Variants in BRCA2 observed in about 807,000 individuals in gnomAD.
BRCA2 encodes BRCA2 DNA repair associated.
In BRCA2, 203 loss-of-function variants were observed where a neutral mutation model predicts 276.7. The observed-to-expected ratio is 0.73, with a 90% CI of 0.65 to 0.82. The LOEUF (loss-of-function observed/expected upper bound fraction) is 0.82, where lower values mean the gene tolerates loss of function less well. Ranked by LOEUF, BRCA2 falls within the 40% of genes least tolerant of loss-of-function variation. The pLI, the probability that BRCA2 is intolerant of heterozygous loss-of-function variation, is 0.00. For missense variants in BRCA2, 3,920 were observed against 3,915.0 expected, an observed-to-expected ratio of 1.00 and a Z score of -0.03; for synonymous variants, 1,289 against 1,338.4, an observed-to-expected ratio of 0.96 and a Z score of 0.81.
intron 3 of BRCA2, among the ~76,000 whole-genome samples, chr13:32,321,131 A>T (rs918374548): frequency 2.0e-5 from 3 of 152,202 alleles, no homozygotes. Flanking sequence ...AGTAGTCTAG[A>T]TATGGAGGAT....
intron 24 of BRCA2, among the ~76,000 whole-genome samples, chr13:32,389,133 G>T (rs1053741296): frequency 3.4e-4 from 51 of 152,134 alleles, no homozygotes; most frequent in Admixed American, 3.1e-3. Context: ...CAGTCTACTA[G>T]TATCAATATT....
chr13:32,384,747 G>C (rs1441426943), intron 24 of BRCA2: 1 of 254,376 alleles, frequency 3.9e-6, no homozygotes, highest in East Asian at 9.2e-5. Context: ...AATTAAAGAT[G>C]ATGAAATGCC....
chr13:32,357,660 G>A, intron 15 of BRCA2, 82 bp from the exon 16 acceptor site: 1 of 1,441,664 alleles, frequency 6.9e-7, no homozygotes, highest in Non-Finnish European at 9.5e-7. Flanking sequence ...ATTCAGTTTT[G>A]GTTTGTTATA....
intron 16 of BRCA2, among the ~76,000 whole-genome samples, chr13:32,359,285 C>T (rs924541099): frequency 2.7e-5 from 4 of 150,480 alleles, no homozygotes; most frequent in Admixed American, 6.6e-5. Context: ...ATTCCTCCCC[C>T]GACACACACT....
chr13:32,386,025 G>A (rs955547489), intron 24 of BRCA2: 2 of 188,020 alleles, frequency 1.1e-5, no homozygotes, highest in African/African-American at 4.6e-5. Flanking sequence ...AAATTGAAAG[G>A]AAACATGAAT....
At position 32,398,605 on chromosome 13, in the gene BRCA2, T is replaced by C. The variant is rs1214850775; in HGVS notation, c.10092T>C (p.Ser3364=). The C allele has an allele frequency of 1.2e-6, 2 of 1,613,850 alleles. No individual in the cohort carries two copies. The highest frequency in any genetic ancestry group is 1.7e-6 in the Non-Finnish European group (2 of 1,179,710). Residue 3364 remains serine, a synonymous_variant, in exon 27 of 27, where the codon TCT becomes TCC. Coordinates refer to ENST00000380152, the MANE Select transcript of BRCA2 (RefSeq NM_000059.4). The part of the protein sequence containing the change: ...SGSTGEKQFI[S]VSESTRTAPT... ...CAACAGGAGAAAAACAATTTATATC[T>C]GTCAGTGAATCCACTAGGACTGCTC...
At chr13:32,364,018 T>C (rs2072764587) in intron 18 of BRCA2, among the ~76,000 whole-genome samples, 1 of 152,212 alleles carries the variant, frequency 6.6e-6, no homozygotes, top group Non-Finnish European at 1.5e-5. Context: ...ACTTAAGAGG[T>C]AACCTTGCAG....
chr13:32,338,781 G>A lies in BRCA2; in HGVS notation c.4426G>A (p.Asp1476Asn), dbSNP rs1380537823. 1 of 1,612,008 alleles carries A rather than the reference G, an allele frequency of 6.2e-7. No homozygotes were observed. Among genetic ancestry groups the A allele is most frequent in the African/African-American group, 1.3e-5 (1 of 74,842 alleles). ...LHSDIRKNKM[D>N]ILSYEETDIV... ...TTCTGACATAAGAAAGAACAAAATGGACATTCTAAGTTATGAGGAAACAGA... is the reference window on the plus strand; with the variant it reads ...TTCTGACATAAGAAAGAACAAAATGAACATTCTAAGTTATGAGGAAACAGA... The change falls in exon 11 of 27, where the codon GAC becomes AAC. Residue 1476 changes from aspartate (D) to asparagine (N), a missense_variant. Physicochemically the swap from Asp to Asn is conservative, Grantham distance 23 (BLOSUM62 1). Around this residue, in one of 2 missense-constraint regions of BRCA2, gnomAD observed 3,263 missense variants for 3,156.9 expected, o/e 1.03. Transcript: ENST00000380152.
At chr13:32,388,153 C>T (rs1179739575) in intron 24 of BRCA2, among the ~76,000 whole-genome samples, 1 of 146,652 alleles carries the variant, frequency 6.8e-6, no homozygotes. Context: ...GGGTCTCACT[C>T]TGTTGCCCAG....
intron 3 of BRCA2, 97 bp from the exon 4 acceptor site, chr13:32,324,979 A>T (rs1255534605): frequency 1.2e-6 from 1 of 815,002 alleles, no homozygotes. Flanking sequence ...TCTCATTCCC[A>T]GTATAGAGGA....
rs777755589 is a variant in BRCA2 at position 32,332,504 on chromosome 13, A to G, written c.1026A>G (p.Glu342=). The change falls in exon 10 of 27, where the codon GAA becomes GAG. Residue 342 remains glutamate (E), a synonymous_variant. Transcript: ENST00000380152. The part of the protein sequence containing the change: ...IFHEANADEC[E]KSKNQVKEKY... ...ATGAAGCAAACGCTGATGAATGTGAAAAATCTAAAAACCAAGTGAAAGAAA... is the reference window on the plus strand; with the variant it reads ...ATGAAGCAAACGCTGATGAATGTGAGAAATCTAAAAACCAAGTGAAAGAAA... The G allele has an allele frequency of 1.2e-6, 2 of 1,611,326 alleles. No homozygotes were observed. Among genetic ancestry groups the G allele is most frequent in the Non-Finnish European group, 1.7e-6 (2 of 1,179,338 alleles).
rs34925070 is a variant in BRCA2, at chr13:32,385,401, G to A, written c.9256+5256G>A. 3,725 of 216,868 alleles carry A rather than the reference G, an allele frequency of 0.017. 52 individuals are homozygous for A. The highest frequency in any genetic ancestry group is 0.024 in the Non-Finnish European group (2,448 of 100,122). 13.4% of individuals were successfully genotyped at this position (216,868 alleles called of 1,614,324 possible). The stretch of plus-strand genomic sequence containing the variant: ...ACTTTGAAGGAGCTCTGGCCAATAC[G>A]TCCATGCAGACCTTTGTCTTTGGAT... On this transcript the variant is annotated intron_variant, in intron 24 of 26. Coordinates refer to ENST00000380152, the MANE Select transcript of BRCA2 (RefSeq NM_000059.4).
In BRCA2 at chr13:32,357,620, A is replaced by G. The variant is rs1482532420; in HGVS notation, c.7618-122A>G. The G allele has an allele frequency of 5.4e-6, 5 of 917,654 alleles. No homozygotes were observed. In the African/African-American group the frequency reaches 8.4e-5, roughly 16 times the overall value. The allele number at this position is 917,654 out of a possible 1,614,324, so 56.8% of individuals were successfully genotyped here. On this transcript the variant is annotated intron_variant, in intron 15 of 26. Transcript: ENST00000380152. Reference sequence around the variant, plus strand: ...TAACTTAAATGTTTTTGTAGTGAAGATTCTAGTAGTTAATGAAAATTTTTG... The same window carrying G: ...TAACTTAAATGTTTTTGTAGTGAAGGTTCTAGTAGTTAATGAAAATTTTTG...
intron 24 of BRCA2, among the ~76,000 whole-genome samples, chr13:32,382,388 T>G (rs1319586489): frequency 6.6e-6 from 1 of 152,050 alleles, no homozygotes; most frequent in Non-Finnish European, 1.5e-5. Flanking sequence ...AATGTAAATA[T>G]AGGAATCAGT....
chr13:32,362,927 G>A (rs1004392201), intron 17 of BRCA2, among the ~76,000 whole-genome samples: 10 of 151,736 alleles, frequency 6.6e-5, no homozygotes, highest in Admixed American at 3.3e-4. Flanking sequence ...TGTATGAGAA[G>A]AATATGAGTT....
At chr13:32,374,239 C>T (rs1455396387) in intron 20 of BRCA2, among the ~76,000 whole-genome samples, 6 of 151,384 alleles carry the variant, frequency 4.0e-5, no homozygotes, top group Non-Finnish European at 8.9e-5. Flanking sequence ...AGATCTCTGA[C>T]ATGCCTTGGA....
intron 2 of BRCA2, among the ~76,000 whole-genome samples, chr13:32,318,504 T>C (rs1347802598): frequency 1.3e-5 from 2 of 152,022 alleles, no homozygotes; most frequent in Non-Finnish European, 2.9e-5. Context: ...TGCAGTGGCG[T>C]GATCTCGGCT....
chr13:32,342,823 A>G (rs1360893710), intron 11 of BRCA2, among the ~76,000 whole-genome samples: 1 of 152,208 alleles, frequency 6.6e-6, no homozygotes, highest in Non-Finnish European at 1.5e-5. Context: ...AGGCAGGCGG[A>G]TCACCTGAGG....
At position 32,337,053 on chromosome 13, in the gene BRCA2, A is replaced by G. The variant is rs55736268; in HGVS notation, c.2698A>G (p.Asn900Asp). Reference sequence around the variant, plus strand: ...CTTCCAAGTAGCTAATGAAAGGAATAATCTTGCTTTAGGAAATACTAAGGA... The same window carrying G: ...CTTCCAAGTAGCTAATGAAAGGAATGATCTTGCTTTAGGAAATACTAAGGA... ...FVFQVANERN[N>D]LALGNTKELH... The change falls in exon 11 of 27, where the codon AAT (asparagine) becomes GAT (aspartate). Residue 900 changes from asparagine to aspartate, a missense_variant. Asn to Asp is a conservative substitution (Grantham distance 23). Coordinates refer to ENST00000380152, the MANE Select transcript of BRCA2 (RefSeq NM_000059.4). The G allele has an allele frequency of 2.0e-5, 32 of 1,604,596 alleles. No individual in the cohort carries two copies. Among genetic ancestry groups the G allele is most frequent in the African/African-American group, 2.7e-5 (2 of 74,334 alleles).
Sources: gnomAD v4.1 joint callset for allele counts (sites outside exome capture counted in the v4.1 genomes callset) on GRCh38, gnomAD v4.1.1 for gene constraint, gnomAD v4.1.1 regional missense constraint, MANE v1.5 for transcripts, NCBI Gene and HGNC (gene_info 2026-07-23, HGNC 2026-07-21) for gene names.